SPATA17: variants seen among roughly 807,000 people sequenced by gnomAD.
The protein encoded by SPATA17 is spermatogenesis-associated protein 17.
A neutral mutation model predicts 62.2 loss-of-function variants in SPATA17; 53 were observed. The observed-to-expected ratio is 0.85, with a 90% CI of 0.68 to 1.07. The LOEUF (loss-of-function observed/expected upper bound fraction) is 1.07, where lower values mean the gene tolerates loss of function less well. SPATA17 is among the 50% of genes least tolerant of loss of function. The probability of loss-of-function intolerance (pLI) is 0.00; values close to 1 mark genes in which losing one functional copy is unlikely to be tolerated. For missense variants in SPATA17, 466 were observed against 425.5 expected (o/e 1.10, Z -0.84); for synonymous variants, 146 against 146.8 (o/e 0.99, Z 0.04).
intron 8 of SPATA17, among the ~76,000 whole-genome samples, chr1:217,797,185 C>T (rs1398676699): frequency 4.0e-5 from 6 of 151,834 alleles, no homozygotes; most frequent in Non-Finnish European, 5.9e-5. Flanking sequence ...AGATCAGGCA[C>T]GAACTGGTTA....
intron 3 of SPATA17, among the ~76,000 whole-genome samples, chr1:217,658,634 T>C (rs1481421936): frequency 6.6e-6 from 1 of 152,044 alleles, no homozygotes; most frequent in African/African-American, 2.4e-5. Flanking sequence ...GGCAGGTGCC[T>C]GTAGTCCTAG....
intron 8 of SPATA17, among the ~76,000 whole-genome samples, chr1:217,794,308 T>G (rs1478979721): frequency 6.6e-6 from 1 of 152,164 alleles, no homozygotes; most frequent in Non-Finnish European, 1.5e-5. Flanking sequence ...ATCTATAGTC[T>G]TCTGTTTAAA....
chr1:217,743,916 G>A (rs929602317), intron 6 of SPATA17, among the ~76,000 whole-genome samples: 1 of 151,990 alleles, frequency 6.6e-6, no homozygotes, highest in African/African-American at 2.4e-5. Context: ...GCCTAAAATA[G>A]TGAAATCATA....
At chr1:217,643,405 T>C (rs979985306) in intron 1 of SPATA17, among the ~76,000 whole-genome samples, 1 of 152,096 alleles carries the variant, frequency 6.6e-6, no homozygotes, top group Non-Finnish European at 1.5e-5. Flanking sequence ...GCTACCTTCA[T>C]GTGCAGATTC....
rs183068456 is a variant in SPATA17, at chr1:217,867,181, T to G, written c.*162T>G. 7.2e-4 allele frequency: 109 copies of G among 152,330 alleles called. 2 individuals are homozygous for G. In the East Asian group the frequency reaches 0.019, roughly 26 times the overall value. 9.4% of individuals were successfully genotyped at this position (152,330 alleles called of 1,614,324 possible). On this transcript the variant is annotated 3_prime_UTR_variant, in exon 11 of 11. Transcript: ENST00000366933. Reference sequence around the variant, plus strand: ...GAATTAATTATTGTGTGTATGTATTTGAAATCTCTTAGACATATCTTTTCA... The same window carrying G: ...GAATTAATTATTGTGTGTATGTATTGGAAATCTCTTAGACATATCTTTTCA...
intron 9 of SPATA17, among the ~76,000 whole-genome samples, chr1:217,824,332 C>T (rs532642605): frequency 6.3e-4 from 96 of 151,738 alleles, no homozygotes; most frequent in African/African-American, 2.2e-3. Context: ...ATTATGTTCA[C>T]AGTTTTGTAT....
At chr1:217,685,661 A>G (rs1282444293) in intron 5 of SPATA17, among the ~76,000 whole-genome samples, 1 of 152,178 alleles carries the variant, frequency 6.6e-6, no homozygotes, top group Admixed American at 6.5e-5. Context: ...TCAAACCATC[A>G]TTTATTTTAG....
chr1:217,801,512 A>G (rs1324269197), intron 8 of SPATA17, among the ~76,000 whole-genome samples: 1 of 152,236 alleles, frequency 6.6e-6, no homozygotes, highest in Non-Finnish European at 1.5e-5. Flanking sequence ...ACATTTTAGT[A>G]TCTCTATTTG....
rs113995143 is a variant in SPATA17 at position 217,852,057 on chromosome 1, A to G, written c.1006-10717A>G. Among the ~76,000 whole-genome samples, 1,192 of 152,274 alleles carry G rather than the reference A, an allele frequency of 7.8e-3. 14 individuals are homozygous for G. Among genetic ancestry groups the G allele is most frequent in the African/African-American group, 0.027 (1,125 of 41,564 alleles). ...CCATCAAAAAACTGAAGGGTGAACA[A>G]TTTCAAGGAAAATGAATGAAACATG... On this transcript the variant is annotated intron_variant, in intron 9 of 10. Coordinates refer to ENST00000366933, the MANE Select transcript of SPATA17 (RefSeq NM_138796.4).
At chr1:217,745,211 G>A (rs1343545485) in intron 6 of SPATA17, among the ~76,000 whole-genome samples, 1 of 152,148 alleles carries the variant, frequency 6.6e-6, no homozygotes, top group East Asian at 1.9e-4. Flanking sequence ...AAATATCAGG[G>A]ATTTTAATTT....
At chr1:217,811,141 C>T (rs12131316) in intron 9 of SPATA17, among the ~76,000 whole-genome samples, 30,832 of 152,038 alleles carry the variant, frequency 0.2, 3,593 homozygotes, top group East Asian at 0.54. Context: ...TCAAGTGATT[C>T]TCATACCTCA....
intron 10 of SPATA17, among the ~76,000 whole-genome samples, chr1:217,865,332 A>G (rs1675986432): frequency 6.6e-6 from 1 of 152,184 alleles, no homozygotes; most frequent in South Asian, 2.1e-4. Flanking sequence ...TCCGATTAGA[A>G]ATAGTGATGC....
At chr1:217,842,313 C>T (rs1353064467) in intron 9 of SPATA17, among the ~76,000 whole-genome samples, 1 of 151,964 alleles carries the variant, frequency 6.6e-6, no homozygotes, top group African/African-American at 2.4e-5. Flanking sequence ...CGAGATTATG[C>T]TGAACTCATA....
chr1:217,766,527 T>G (rs1422782368), intron 6 of SPATA17, among the ~76,000 whole-genome samples: 1 of 151,992 alleles, frequency 6.6e-6, no homozygotes, highest in East Asian at 1.9e-4. Context: ...TTTATTATAC[T>G]TATACATAAG....
chr1:217,638,586 T>C (rs11117900), intron 1 of SPATA17, among the ~76,000 whole-genome samples: 36,073 of 152,094 alleles, frequency 0.24, 4,439 homozygotes, highest in Middle Eastern at 0.29. Context: ...GCCCTGTATA[T>C]GTATCAAACA....
chr1:217,824,568 C>T (rs1479099118), intron 9 of SPATA17, among the ~76,000 whole-genome samples: 1 of 150,992 alleles, frequency 6.6e-6, no homozygotes, highest in Non-Finnish European at 1.5e-5. Context: ...TTTCTCTATA[C>T]TGTTATTGTA....
At chr1:217,710,130 A>C (rs924889963) in intron 5 of SPATA17, among the ~76,000 whole-genome samples, 3 of 152,194 alleles carry the variant, frequency 2.0e-5, no homozygotes, top group South Asian at 2.1e-4. Flanking sequence ...TTCATAGTTA[A>C]TAGTAAAAAA....
At chr1:217,780,396 A>G (rs1234424396) in intron 7 of SPATA17, among the ~76,000 whole-genome samples, 1 of 152,192 alleles carries the variant, frequency 6.6e-6, no homozygotes, top group African/African-American at 2.4e-5. Flanking sequence ...CACAAAAGTC[A>G]GGGATCATGA....
At chr1:217,793,215 G>GT (rs376041446) in intron 8 of SPATA17, among the ~76,000 whole-genome samples, 12,285 of 113,934 alleles carry the variant, frequency 0.11, 1,233 homozygotes, top group Non-Finnish European at 0.14. Flanking sequence ...TAGGGCAGTG[G>GT]TTTTTGTTTT....
Sources: gnomAD v4.1 joint callset for allele counts (sites outside exome capture counted in the v4.1 genomes callset) on GRCh38, gnomAD v4.1.1 for gene constraint, MANE v1.5 for transcripts, NCBI Gene and HGNC (gene_info 2026-07-23, HGNC 2026-07-21) for gene names.